Variants in UBE3A observed in about 807,000 individuals in gnomAD.
UBE3A encodes ubiquitin protein ligase E3A.
UBE3A carries 6 observed loss-of-function variants against 83.4 expected under a neutral mutation model. The ratio of observed to expected loss-of-function variants is 0.07; its 90% CI spans 0.04 to 0.14. The LOEUF (loss-of-function observed/expected upper bound fraction) is 0.14. Among genes scored for constraint, UBE3A ranks in the 10% least tolerant of loss-of-function variants. UBE3A has a pLI of 1.00. For missense variants in UBE3A, 456 were observed against 1,036.1 expected (o/e 0.44, Z 7.69); for synonymous variants, 337 against 355.4 (o/e 0.95, Z 0.58).
chr15:25,366,485 G>A (rs1338161075), intron 6 of UBE3A, among the ~76,000 whole-genome samples: 1 of 152,196 alleles, frequency 6.6e-6, no homozygotes, highest in African/African-American at 2.4e-5. Flanking sequence ...CCTCCTGGTA[G>A]TGGGGCTTTT....
In UBE3A at chr15:25,409,226, CT is replaced by C; in HGVS notation, c.-100-20del. 1 of 950,626 alleles carries C rather than the reference CT, an allele frequency of 1.1e-6. No homozygotes were observed. The highest frequency in any genetic ancestry group is 2.1e-5 in the Admixed American group (1 of 46,914). 58.9% of individuals were successfully genotyped at this position (950,626 alleles called of 1,614,324 possible). On this transcript the variant is annotated intron_variant, in intron 2 of 12. Transcript: ENST00000648336. Reference sequence around the variant, plus strand: ...AATAACTCTAATAAATTAAACAAACCTTTGGTTAGAACACTTTAATATATAA... The same window carrying C: ...AATAACTCTAATAAATTAAACAAACCTTGGTTAGAACACTTTAATATATAA...
chr15:25,409,034 T>C (rs1179047479), intron 3 of UBE3A, 54 bp downstream of exon 3: 11 of 1,533,666 alleles, frequency 7.2e-6, no homozygotes, highest in Admixed American at 3.9e-5. Context: ...TTACAGTATG[T>C]ATTTCACTTT....
intron 6 of UBE3A, among the ~76,000 whole-genome samples, chr15:25,364,620 TGGATTTTTA>T (rs950189332): frequency 6.6e-6 from 1 of 150,410 alleles, no homozygotes; most frequent in African/African-American, 2.4e-5. Context: ...AATACACACG[TGGATTTTTA>T]GGGTTTTTTT....
At chr15:25,435,944 T>G (rs1171093117) in intron 1 of UBE3A, among the ~76,000 whole-genome samples, 1 of 152,218 alleles carries the variant, frequency 6.6e-6, no homozygotes, top group Non-Finnish European at 1.5e-5. Context: ...AAGGTAATAC[T>G]TATTGAGTGC....
intron 1 of UBE3A, among the ~76,000 whole-genome samples, chr15:25,416,252 A>T (rs2090896575): frequency 6.6e-6 from 1 of 152,196 alleles, no homozygotes; most frequent in Non-Finnish European, 1.5e-5. Flanking sequence ...TCCAAACCAA[A>T]AATGATTAAA....
At position 25,437,290 on chromosome 15, in the gene UBE3A, A is replaced by C. The variant is rs1307343780; in HGVS notation, c.-165+1199T>G. Among the ~76,000 whole-genome samples, 3 of 152,278 alleles carry C rather than the reference A, an allele frequency of 2.0e-5. No individual in the cohort carries two copies. The East Asian group carries it at 5.8e-4, about 29-fold the overall frequency. On this transcript the variant is annotated intron_variant, in intron 1 of 12. Transcript: ENST00000648336. Reference sequence around the variant, plus strand: ...TCTCCTAAATTCTAAATTTTACATGATTTACCAAATCACTTCTTAAGTAAG... The same window carrying C: ...TCTCCTAAATTCTAAATTTTACATGCTTTACCAAATCACTTCTTAAGTAAG...
At chr15:25,410,138 T>C (rs1245822300) in intron 2 of UBE3A, among the ~76,000 whole-genome samples, 1 of 151,722 alleles carries the variant, frequency 6.6e-6, no homozygotes, top group Non-Finnish European at 1.5e-5. Context: ...AAACTTAAAG[T>C]ATAATAATAA....
At chr15:25,385,592 G>A (rs991880016) in intron 4 of UBE3A, among the ~76,000 whole-genome samples, 2 of 152,032 alleles carry the variant, frequency 1.3e-5, no homozygotes, top group Non-Finnish European at 2.9e-5. Flanking sequence ...GAAGAGCTTG[G>A]AAGTCACCAC....
chr15:25,370,158 C>T lies in UBE3A; in HGVS notation c.1608+408G>A, dbSNP rs1355343915. Among the ~76,000 whole-genome samples the T allele has an allele frequency of 6.6e-6, 1 of 152,174 alleles. No homozygotes were observed. Among genetic ancestry groups the T allele is most frequent in the Non-Finnish European group, 1.5e-5 (1 of 68,030 alleles). Reference sequence around the variant, plus strand: ...ATTTTACACGATGGAATTTTTTGGACACTACCTATAATTTTATGGTATGGT... The same window carrying T: ...ATTTTACACGATGGAATTTTTTGGATACTACCTATAATTTTATGGTATGGT... On this transcript the variant is annotated intron_variant, in intron 6 of 12. Coordinates refer to ENST00000648336, the MANE Select transcript of UBE3A (RefSeq NM_130839.5). The surrounding 1 kb of genome is among the most constrained non-coding windows in gnomAD (Gnocchi z 4.2).
intron 4 of UBE3A, among the ~76,000 whole-genome samples, chr15:25,389,328 G>T (rs916373510): frequency 1.4e-5 from 2 of 147,828 alleles, no homozygotes; most frequent in African/African-American, 4.9e-5. Flanking sequence ...ATAAACCAGA[G>T]AATTAAATGT....
At chr15:25,373,850 A>T (rs1187472083) in intron 5 of UBE3A, 1 of 152,174 alleles carries the variant, frequency 6.6e-6, no homozygotes, top group Non-Finnish European at 1.5e-5. Flanking sequence ...CTGTAATTAG[A>T]TATGAACATT....
intron 1 of UBE3A, among the ~76,000 whole-genome samples, chr15:25,420,238 A>C (rs1316434320): frequency 2.0e-5 from 3 of 152,198 alleles, no homozygotes; most frequent in African/African-American, 7.2e-5. Context: ...TAGATAAGGA[A>C]CATTACCAGC....
At chr15:25,364,888 T>C (rs369912181) in intron 6 of UBE3A, among the ~76,000 whole-genome samples, 6 of 151,878 alleles carry the variant, frequency 4.0e-5, no homozygotes, top group South Asian at 4.2e-4. Context: ...CCTTGTGATC[T>C]GCCCGCCTTG....
intron 7 of UBE3A, among the ~76,000 whole-genome samples, chr15:25,358,250 T>C (rs2077520231): frequency 6.6e-6 from 1 of 151,998 alleles, no homozygotes; most frequent in African/African-American, 2.4e-5. Context: ...CATGTGCCTA[T>C]AGTCTCAGCT....
chr15:25,399,259 T>C (rs1041377980), intron 4 of UBE3A, among the ~76,000 whole-genome samples: 4 of 152,130 alleles, frequency 2.6e-5, no homozygotes, highest in African/African-American at 7.2e-5. Context: ...GAGGGGGTCA[T>C]ATCCAAAAAA....
chr15:25,408,452 G>C lies in UBE3A; in HGVS notation c.20+636C>G, dbSNP rs1025054245. 18 of 954,528 alleles carry C rather than the reference G, an allele frequency of 1.9e-5. No homozygotes were observed. In the Admixed American group the frequency reaches 3.8e-4, roughly 20 times the overall value. 59.1% of individuals were successfully genotyped at this position (954,528 alleles called of 1,614,324 possible). A position where few individuals can be genotyped will look rare whatever the true frequency, so the allele number is the denominator to read the frequency against. On this transcript the variant is annotated intron_variant, in intron 3 of 12. Transcript: ENST00000648336. ...TAAAGTGTGTCAGAATAACAAGTCA[G>C]AAATTTTAAAACTGAAACAATAACC...
chr15:25,375,293 T>C, intron 5 of UBE3A, 172 bp downstream of exon 5: 1 of 720,484 alleles, frequency 1.4e-6, no homozygotes, highest in Non-Finnish European at 2.2e-6. Context: ...TAGCAATGAT[T>C]AGACCTGTAA....
Position 25,370,419 on chromosome 15 carries a change from A to G in UBE3A, c.1608+147T>C. The G allele has an allele frequency of 1.1e-5, 11 of 965,858 alleles. No individual in the cohort carries two copies. Among genetic ancestry groups the G allele is most frequent in the South Asian group, 1.5e-5 (1 of 67,112 alleles). 59.8% of individuals were successfully genotyped at this position (965,858 alleles called of 1,614,324 possible). A position where few individuals can be genotyped will look rare whatever the true frequency, so the allele number is the denominator to read the frequency against. Reference sequence around the variant, plus strand: ...TCTATAAACTTGCACAGGAACAACAAAAGTATAATACTTATATAAGATCAG... The same window carrying G: ...TCTATAAACTTGCACAGGAACAACAGAAGTATAATACTTATATAAGATCAG... On this transcript the variant is annotated intron_variant, in intron 6 of 12. Coordinates refer to ENST00000648336, the MANE Select transcript of UBE3A (RefSeq NM_130839.5). This position sits in a 1 kb window ranked among gnomAD's most constrained non-coding sequence, Gnocchi z 4.2.
At position 25,383,616 on chromosome 15, in the gene UBE3A, G is replaced by A. The variant is rs185528131; in HGVS notation, c.63-7853C>T. 2.1e-3 allele frequency among the ~76,000 whole-genome samples: 324 copies of A among 152,248 alleles called. 1 individual carries two copies. The highest frequency in any genetic ancestry group is 3.4e-3 in the Non-Finnish European group (231 of 68,018). On this transcript the variant is annotated intron_variant, in intron 4 of 12. Coordinates refer to ENST00000648336, the MANE Select transcript of UBE3A (RefSeq NM_130839.5). ...ATAGCATCATTGCACTCCAGCCTGG[G>A]TGACAAGAGCAAGATTCTGTCTCAA...
Sources: gnomAD v4.1 joint callset for allele counts (sites outside exome capture counted in the v4.1 genomes callset) on GRCh38, gnomAD v4.1.1 for gene constraint, Gnocchi (gnomAD v3.1) non-coding constraint, MANE v1.5 for transcripts, NCBI Gene and HGNC (gene_info 2026-07-23, HGNC 2026-07-21) for gene names.